The following ERAP1 variants were observed in gnomAD, a reference collection of about 807,000 sequenced individuals.
The protein encoded by ERAP1 is endoplasmic reticulum aminopeptidase 1.
ERAP1 carries 86 observed loss-of-function variants against 103.7 expected under a neutral mutation model. That is an observed-to-expected ratio of 0.83 (90% CI 0.70 to 0.99). ERAP1 has a LOEUF of 0.99. Among genes scored for constraint, ERAP1 ranks in the 50% least tolerant of loss-of-function variants. The pLI, the probability that ERAP1 is intolerant of heterozygous loss-of-function variation, is 0.00. For synonymous variants in ERAP1, 398 were observed against 402.4 expected (o/e 0.99, Z 0.13); for missense variants, 1,009 against 1,128.4 (o/e 0.89, Z 1.52).
rs568357807 is a variant in ERAP1, at chr5:96,788,772, G to A, written c.1525-87C>T. On this transcript the variant is annotated intron_variant, in intron 10 of 18. Transcript: ENST00000443439. Reference sequence around the variant, plus strand: ...AACACCAGCTTATGCTCAAACAGCCGCTACCAGTTGCCAACCTCCCCTCTT... The same window carrying A: ...AACACCAGCTTATGCTCAAACAGCCACTACCAGTTGCCAACCTCCCCTCTT... 2.9e-5 allele frequency: 44 copies of A among 1,522,334 alleles called. No homozygotes were observed. In the East Asian group the frequency reaches 5.8e-4, roughly 20 times the overall value. The allele number at this position is 1,522,334 out of a possible 1,614,324, so 94.3% of individuals were successfully genotyped here. A position where few individuals can be genotyped will look rare whatever the true frequency, so the allele number is the denominator to read the frequency against.
chr5:96,895,413 A>G, the ERAP1 span: 4 of 1,230,792 alleles, frequency 3.2e-6, no homozygotes, highest in South Asian at 2.6e-5. Flanking sequence ...TCATCAATTC[A>G]CTATTAAAAT....
At chr5:96,867,648 A>T in the ERAP1 span, among the ~76,000 whole-genome samples, 1 of 152,230 alleles carries the variant, frequency 6.6e-6, no homozygotes, top group South Asian at 2.1e-4. Context: ...GCCTCATGGC[A>T]GGTTCCAAGG....
Position 96,775,975 on chromosome 5 carries a change from C to T in ERAP1, c.*421G>A, listed in dbSNP as rs1774210506. The stretch of plus-strand genomic sequence containing the variant: ...TGAGCCGGGAGAGCTTTAACCCAGT[C>T]ATCGTCCGGCTTAGTCTCAGATCCA... On this transcript the variant is annotated 3_prime_UTR_variant, in exon 19 of 19. Transcript: ENST00000443439. 9.4e-7 allele frequency: 1 copy of T among 1,064,912 alleles called. No individual in the cohort carries two copies. The highest frequency in any genetic ancestry group is 1.1e-6 in the Non-Finnish European group (1 of 874,458). The allele number at this position is 1,064,912 out of a possible 1,614,324, so 66.0% of individuals were successfully genotyped here. A position where few individuals can be genotyped will look rare whatever the true frequency, so the allele number is the denominator to read the frequency against.
At chr5:96,765,284 C>G (rs1306579846) in intron 19 of ERAP1, 1 of 1,586,204 alleles carries the variant, frequency 6.3e-7, no homozygotes, top group Admixed American at 1.7e-5. Context: ...ACAAAGGCAG[C>G]CTGACCCAGA....
the ERAP1 span, among the ~76,000 whole-genome samples, chr5:96,905,644 G>C: frequency 6.6e-6 from 1 of 152,128 alleles, no homozygotes; most frequent in Non-Finnish European, 1.5e-5. Flanking sequence ...ACCATTTTGG[G>C]AGGCTGAAGC....
downstream of ERAP1, chr5:96,773,678 TTGAA>T (rs1773252195): frequency 6.6e-6 from 1 of 152,248 alleles, no homozygotes; most frequent in Non-Finnish European, 1.5e-5. Context: ...TCCTACCACT[TTGAA>T]TGGTTTTCTA....
intron 12 of ERAP1, 64 bp from the exon 13 acceptor site, chr5:96,786,035 C>G: frequency 1.0e-5 from 15 of 1,502,464 alleles, no homozygotes; most frequent in Non-Finnish European, 1.4e-5. Context: ...CTTTTCTCAT[C>G]CAAGATTGGG....
At chr5:96,826,712 T>C in the ERAP1 span, among the ~76,000 whole-genome samples, 3 of 152,298 alleles carry the variant, frequency 2.0e-5, no homozygotes, top group Admixed American at 2.0e-4. Context: ...ATACTCCTAA[T>C]TGCCCACTGG....
At position 96,788,673 on chromosome 5, in the gene ERAP1, C is replaced by T. The variant is rs1776378743; in HGVS notation, c.1537G>A (p.Glu513Lys). ...HSSSSSHWHQ[E>K]GVDVKTMMNT... ...ATCATGGTTTTCACATCCACCCCTTCCTGATGCCAATGCTGGTGTGTACAC... is the reference window on the plus strand; with the variant it reads ...ATCATGGTTTTCACATCCACCCCTTTCTGATGCCAATGCTGGTGTGTACAC... Residue 513 changes from glutamate (E) to lysine (K), a missense_variant, in exon 11 of 19, where the codon GAA becomes AAA. Physicochemically the swap from Glu to Lys is moderately conservative, Grantham distance 56 (BLOSUM62 1). Coordinates refer to ENST00000443439, the MANE Select transcript of ERAP1 (RefSeq NM_001040458.3). 6.2e-7 allele frequency: 1 copy of T among 1,613,988 alleles called. No homozygotes were observed. The highest frequency in any genetic ancestry group is 1.3e-5 in the African/African-American group (1 of 74,926).
intron 6 of ERAP1, 110 bp from the exon 7 acceptor site, chr5:96,793,623 T>C: frequency 9.1e-7 from 1 of 1,104,498 alleles, no homozygotes; most frequent in Non-Finnish European, 1.3e-6. Context: ...CAATATTTAA[T>C]CAAGGTAAAA....
intron 2 of ERAP1, 28 bp from the exon 3 acceptor site, chr5:96,801,028 T>C (rs1777931657): frequency 6.2e-7 from 1 of 1,612,886 alleles, no homozygotes; most frequent in Non-Finnish European, 8.5e-7. Context: ...GAAATAAAAA[T>C]TGAGCATGAA....
At chr5:96,794,599 T>C (rs1255724885) in intron 5 of ERAP1, among the ~76,000 whole-genome samples, 1 of 152,202 alleles carries the variant, frequency 6.6e-6, no homozygotes, top group East Asian at 1.9e-4. Flanking sequence ...GACCCACATA[T>C]ACCTAAAAAA....
the ERAP1 span, among the ~76,000 whole-genome samples, chr5:96,906,767 C>T: frequency 5.3e-5 from 8 of 152,230 alleles, no homozygotes; most frequent in Admixed American, 3.3e-4. Flanking sequence ...CGCAGTGGCT[C>T]ACGCCTGTAA....
In ERAP1 at chr5:96,793,957, T is replaced by A. The variant is rs1777028073; in HGVS notation, c.920A>T (p.Asp307Val). ...FSIPYPLPKQ[D>V]LAAIPDFQSG... ...CTGAAAGTCGGGAATAGCAGCAAGA[T>A]CTTGGGAAGGAAGTAATAAAATACA... is the stretch of plus-strand genomic sequence containing the variant. Residue 307 changes from aspartate to valine, a missense_variant and splice_region_variant, in exon 6 of 19, where the codon GAT (aspartate) becomes GTT (valine). This residue lies in a region of ERAP1 where 392 missense variants were observed against 455.2 expected (regional missense o/e 0.86). Coordinates refer to ENST00000443439, the MANE Select transcript of ERAP1 (RefSeq NM_001040458.3). The A allele has an allele frequency of 3.7e-6, 6 of 1,613,926 alleles. No homozygotes were observed. The highest frequency in any genetic ancestry group is 5.1e-6 in the Non-Finnish European group (6 of 1,179,920).
the ERAP1 span, among the ~76,000 whole-genome samples, chr5:96,860,499 C>T: frequency 6.6e-6 from 1 of 152,146 alleles, no homozygotes; most frequent in African/African-American, 2.4e-5. Context: ...AAGAACTAGT[C>T]TTACATTCAT....
the ERAP1 span, among the ~76,000 whole-genome samples, chr5:96,831,829 C>T: frequency 1.2e-3 from 184 of 152,292 alleles, no homozygotes; most frequent in Middle Eastern, 3.4e-3. Flanking sequence ...TTTCTCTAGC[C>T]CTCTGCCTTG....
At chr5:96,852,130 C>T in the ERAP1 span, among the ~76,000 whole-genome samples, 1 of 152,230 alleles carries the variant, frequency 6.6e-6, no homozygotes. Context: ...AAACTTGATT[C>T]ACTTCTAAAC....
chr5:96,862,776 C>G, the ERAP1 span, among the ~76,000 whole-genome samples: 101,806 of 151,956 alleles, frequency 0.67, 36,226 homozygotes, highest in Non-Finnish European at 0.81. Flanking sequence ...TCATTCCAAG[C>G]ATATGAGGCA....
the ERAP1 span, among the ~76,000 whole-genome samples, chr5:96,914,441 A>C: frequency 6.6e-6 from 1 of 152,222 alleles, no homozygotes; most frequent in African/African-American, 2.4e-5. Context: ...CATGAGACCA[A>C]ATAGAAACTG....
Sources: gnomAD v4.1 joint callset for allele counts (sites outside exome capture counted in the v4.1 genomes callset) on GRCh38, gnomAD v4.1.1 for gene constraint, gnomAD v4.1.1 regional missense constraint, MANE v1.5 for transcripts, NCBI Gene and HGNC (gene_info 2026-07-23, HGNC 2026-07-21) for gene names.